Variants in SH3D19 observed in about 807,000 individuals in gnomAD.
SH3D19 encodes the protein SH3 domain containing 19.
A neutral mutation model predicts 112.1 loss-of-function variants in SH3D19; 58 were observed. The observed-to-expected ratio is 0.52, with a 90% CI of 0.42 to 0.64. The LOEUF is 0.64. Ranked by LOEUF, SH3D19 falls within the 30% of genes least tolerant of loss-of-function variation. SH3D19 has a pLI of 0.00. For synonymous variants in SH3D19, 391 were observed against 448.5 expected (o/e 0.87, Z 1.62); for missense variants, 1,090 against 1,263.4 (o/e 0.86, Z 2.08).
rs78979170 is a variant in SH3D19, at chr4:151,322,132, A to G, written c.112+3109T>C. 4.5e-3 allele frequency among the ~76,000 whole-genome samples: 686 copies of G among 152,130 alleles called. 2 individuals are homozygous for G. Among genetic ancestry groups the G allele is most frequent in the African/African-American group, 0.014 (601 of 41,516 alleles). ...TTTCCTATAACTGCTTATTAATCTC[A>G]TGCATCATGAGCTACTACAGAATTA... On this transcript the variant is annotated intron_variant, in intron 1 of 19. Transcript: ENST00000604030.
At chr4:151,227,385 A>T (rs1006275030) in intron 1 of SH3D19, among the ~76,000 whole-genome samples, 6 of 152,254 alleles carry the variant, frequency 3.9e-5, no homozygotes, top group African/African-American at 1.4e-4. Flanking sequence ...TCTCTGAAAG[A>T]CTAATAAGTA....
intron 9 of SH3D19, among the ~76,000 whole-genome samples, chr4:151,156,338 G>A (rs559457277): frequency 3.9e-5 from 6 of 152,090 alleles, no homozygotes; most frequent in East Asian, 1.9e-4. Context: ...AAACTTGTAC[G>A]GAACCGCAAA....
intron 1 of SH3D19, among the ~76,000 whole-genome samples, chr4:151,278,858 C>A (rs570024512): frequency 6.6e-6 from 1 of 152,294 alleles, no homozygotes; most frequent in East Asian, 1.9e-4. Context: ...GTTTTGAACT[C>A]CTGGACTTGA....
At chr4:151,148,583 G>A (rs138841917) in intron 10 of SH3D19, among the ~76,000 whole-genome samples, 2 of 152,272 alleles carry the variant, frequency 1.3e-5, no homozygotes, top group Non-Finnish European at 2.9e-5. Context: ...ATGTATGTGT[G>A]CTGGGGTCTT....
Position 151,285,583 on chromosome 4 carries a change from A to G in SH3D19, c.112+39658T>C, listed in dbSNP as rs979626255. ...TAAAGCAGTGCTTAGAGAGAAATTT[A>G]TATCTGTAAATGCCTACGTTAAACA... On this transcript the variant is annotated intron_variant, in intron 1 of 19. Transcript: ENST00000604030. Among the ~76,000 whole-genome samples, 12 of 152,214 alleles carry G rather than the reference A, an allele frequency of 7.9e-5. 1 individual carries two copies. Among genetic ancestry groups the G allele is most frequent in the Admixed American group, 4.6e-4 (7 of 15,282 alleles).
In SH3D19 at chr4:151,283,367, T is replaced by C. The variant is rs968838003; in HGVS notation, c.112+41874A>G. 4.6e-6 allele frequency: 6 copies of C among 1,317,064 alleles called. No individual in the cohort carries two copies. In the African/African-American group the frequency reaches 8.7e-5, roughly 19 times the overall value. 81.6% of individuals were successfully genotyped at this position (1,317,064 alleles called of 1,614,324 possible). A position where few individuals can be genotyped will look rare whatever the true frequency, so the allele number is the denominator to read the frequency against. On this transcript the variant is annotated intron_variant, in intron 1 of 19. Transcript: ENST00000604030. ...AGGTTTTCCTATCTGTAAATAACAG[T>C]GGATTGGGAGTCAGGAGATGAGGGT...
rs568726742 is a variant in SH3D19 at position 151,284,693 on chromosome 4, G to A, written c.112+40548C>T. Among the ~76,000 whole-genome samples, 6 of 152,272 alleles carry A rather than the reference G, an allele frequency of 3.9e-5. No individual in the cohort carries two copies. In the East Asian group the frequency reaches 1.2e-3, roughly 29 times the overall value. On this transcript the variant is annotated intron_variant, in intron 1 of 19. Coordinates refer to ENST00000604030, the MANE Select transcript of SH3D19 (RefSeq NM_001378122.1). ...CATTTTGGAATATATCCTGGACAAT[G>A]TCAATAGCATGGTGTAGGGAGTACA...
At chr4:151,230,773 G>A (rs1304850371) in intron 1 of SH3D19, among the ~76,000 whole-genome samples, 1 of 151,858 alleles carries the variant, frequency 6.6e-6, no homozygotes, top group Admixed American at 6.6e-5. Flanking sequence ...TAGAGATGGG[G>A]TTTCACCATA....
chr4:151,127,685 G>A lies in SH3D19; in HGVS notation c.2960C>T (p.Pro987Leu), dbSNP rs753783514. Reference protein sequence around the residue: ...AEAKSMLAIVPKGRKAKALYD... With the variant: ...AEAKSMLAIVLKGRKAKALYD... ...TAAGGCTTTGGCCTTCCTCCCCTTCGGTACTATGGCCAACATACTTTTTGC... is the reference window on the plus strand; with the variant it reads ...TAAGGCTTTGGCCTTCCTCCCCTTCAGTACTATGGCCAACATACTTTTTGC... The change falls in exon 19 of 20, where the codon CCG (proline) becomes CTG (leucine). Residue 987 changes from proline to leucine, a missense_variant. Transcript: ENST00000604030. 36 of 1,602,076 alleles carry A rather than the reference G, an allele frequency of 2.2e-5. No homozygotes were observed. The highest frequency in any genetic ancestry group is 1.4e-4 in the Admixed American group (8 of 56,944).
In SH3D19 at chr4:151,174,811, C is replaced by G; in HGVS notation, c.1393G>C (p.Gly465Arg). 1 of 1,565,096 alleles carries G rather than the reference C, an allele frequency of 6.4e-7. No individual in the cohort carries two copies. Among genetic ancestry groups the G allele is most frequent in the Non-Finnish European group, 8.6e-7 (1 of 1,158,120 alleles). ...QAKAYKSLGE[G>R]PPANPPVPVL... ...GGAACTGGGGGGTTGGCTGGGGGCCCTTCTCCCAGTGACTTGTATGCTTTG... is the reference window on the plus strand; with the variant it reads ...GGAACTGGGGGGTTGGCTGGGGGCCGTTCTCCCAGTGACTTGTATGCTTTG... The change falls in exon 7 of 20, where the codon GGG becomes CGG. Residue 465 changes from glycine to arginine, a missense_variant. Physicochemically the swap from Gly to Arg is moderately radical, Grantham distance 125. Transcript: ENST00000604030.
At chr4:151,262,518 C>G (rs1454049508) in intron 1 of SH3D19, among the ~76,000 whole-genome samples, 3 of 152,218 alleles carry the variant, frequency 2.0e-5, no homozygotes, top group Non-Finnish European at 4.4e-5. Context: ...TTTCACAGGC[C>G]TTGCCTTCCC....
intron 1 of SH3D19, among the ~76,000 whole-genome samples, chr4:151,241,545 A>G (rs1482711040): frequency 6.6e-6 from 1 of 151,736 alleles, no homozygotes; most frequent in Non-Finnish European, 1.5e-5. Context: ...ACTAAAAACC[A>G]CTTTATTTAT....
chr4:151,306,847 G>A (rs1356066174), intron 1 of SH3D19, among the ~76,000 whole-genome samples: 1 of 152,138 alleles, frequency 6.6e-6, no homozygotes, highest in African/African-American at 2.4e-5. Flanking sequence ...TGAAACGTCA[G>A]CAACACTGGA....
intron 1 of SH3D19, among the ~76,000 whole-genome samples, chr4:151,258,809 G>A (rs369027132): frequency 2.0e-5 from 3 of 152,160 alleles, no homozygotes; most frequent in Non-Finnish European, 4.4e-5. Flanking sequence ...CCCCTTCTCT[G>A]GGTGTTCCCC....
intron 2 of SH3D19, among the ~76,000 whole-genome samples, chr4:151,206,295 C>T (rs981794422): frequency 2.0e-5 from 3 of 152,058 alleles, no homozygotes; most frequent in Non-Finnish European, 2.9e-5. Context: ...GAAAATCCTA[C>T]ATTAAAGAAG....
intron 13 of SH3D19, 111 bp downstream of exon 13, chr4:151,139,664 T>C (rs1579723462): frequency 5.5e-6 from 5 of 908,958 alleles, no homozygotes; most frequent in East Asian, 2.6e-5. Flanking sequence ...TCTCGGACTC[T>C]ATAGGCACAG....
chr4:151,216,137 A>G (rs967494395), intron 2 of SH3D19, among the ~76,000 whole-genome samples: 2 of 152,136 alleles, frequency 1.3e-5, no homozygotes, highest in Non-Finnish European at 2.9e-5. Flanking sequence ...CCAGGGTGTT[A>G]CCTTTAAGGA....
chr4:151,198,400 ATATAT>A (rs1307889294), intron 2 of SH3D19, among the ~76,000 whole-genome samples: 6 of 142,804 alleles, frequency 4.2e-5, no homozygotes, highest in African/African-American at 7.7e-5. Flanking sequence ...AATATATATC[ATATAT>A]TATATATTAT....
At chr4:151,286,791 CA>C (rs1337735305) in intron 1 of SH3D19, among the ~76,000 whole-genome samples, 2 of 151,484 alleles carry the variant, frequency 1.3e-5, no homozygotes, top group African/African-American at 4.8e-5. Flanking sequence ...ACGAGCCTAG[CA>C]AATGTGGCAA....
Sources: allele counts gnomAD v4.1 joint callset (sites outside exome capture counted in the v4.1 genomes callset), GRCh38; gene constraint gnomAD v4.1.1; transcripts MANE v1.5; gene names NCBI Gene and HGNC (gene_info 2026-07-23, HGNC 2026-07-21).